Variants in IPP observed in about 807,000 individuals in gnomAD.
The protein encoded by IPP is actin-binding protein IPP.
IPP carries 41 observed loss-of-function variants against 64.1 expected under a neutral mutation model. The ratio of observed to expected loss-of-function variants is 0.64; its 90% CI spans 0.50 to 0.83. IPP has a LOEUF of 0.83. Ranked by LOEUF, IPP falls within the 40% of genes least tolerant of loss-of-function variation. IPP has a pLI of 0.00. For missense variants in IPP, 649 were observed against 703.0 expected, an observed-to-expected ratio of 0.92 and a Z score of 0.87; for synonymous variants, 214 against 235.2, an observed-to-expected ratio of 0.91 and a Z score of 0.83.
Position 45,716,935 on chromosome 1 carries a change from C to T in IPP, c.1269G>A (p.Met423Ile). 1 of 1,612,744 alleles carries T rather than the reference C, an allele frequency of 6.2e-7. No individual in the cohort carries two copies. The highest frequency in any genetic ancestry group is 8.5e-7 in the Non-Finnish European group (1 of 1,179,036). ...ACCCAAAGTAGTAGCGTGACACAGC[C>T]ATGTTACCAACTACTTCCCATTTAT... ...DENKWEVVGN[M>I]AVSRYYFGCC... The change falls in exon 7 of 9, where the codon ATG (methionine) becomes ATA (isoleucine). Residue 423 changes from methionine (M) to isoleucine (I), a missense_variant. By Grantham distance (10) the Met-to-Ile change is conservative (BLOSUM62 1). Coordinates refer to ENST00000396478, the MANE Select transcript of IPP (RefSeq NM_005897.3).
At chr1:45,737,072 A>G (rs192695442) in intron 3 of IPP, among the ~76,000 whole-genome samples, 1 of 149,580 alleles carries the variant, frequency 6.7e-6, no homozygotes, top group African/African-American at 2.4e-5. Flanking sequence ...AAAAAGCTGT[A>G]GGAAAACATG....
chr1:45,711,055 C>A (rs996560965), intron 8 of IPP, among the ~76,000 whole-genome samples: 11 of 148,166 alleles, frequency 7.4e-5, no homozygotes, highest in Admixed American at 2.0e-4. Flanking sequence ...CCACAACTGG[C>A]TGGGTGCAGT....
At chr1:45,733,925 A>C (rs1319077885) in intron 3 of IPP, among the ~76,000 whole-genome samples, 3 of 152,156 alleles carry the variant, frequency 2.0e-5, no homozygotes, top group Non-Finnish European at 4.4e-5. Context: ...TTCAGGAAAC[A>C]CAGTAATCAT....
At position 45,698,895 on chromosome 1, in the gene IPP, A is replaced by AT. The variant is rs1265471282; in HGVS notation, c.*1070dup. 1 of 339,932 alleles carries AT rather than the reference A, an allele frequency of 2.9e-6. No homozygotes were observed. Among genetic ancestry groups the AT allele is most frequent in the Non-Finnish European group, 4.2e-6 (1 of 240,434 alleles). 21.1% of individuals were successfully genotyped at this position (339,932 alleles called of 1,614,324 possible). On this transcript the variant is annotated 3_prime_UTR_variant, in exon 9 of 9. Coordinates refer to ENST00000396478, the MANE Select transcript of IPP (RefSeq NM_005897.3). ...CACAACGCCCGGCTAATTTTTATAT[A>AT]TTTTTTGGTAGAGACGGAGTCTCAT...
chr1:45,729,869 T>TA, intron 3 of IPP, 100 bp from the exon 4 acceptor site: 1 of 696,044 alleles, frequency 1.4e-6, no homozygotes, highest in African/African-American at 1.9e-5. Context: ...CATCAAGAAA[T>TA]AAAAAATCAT....
chr1:45,726,691 C>T (rs1324077873), intron 5 of IPP, among the ~76,000 whole-genome samples: 2 of 149,518 alleles, frequency 1.3e-5, no homozygotes, highest in South Asian at 2.1e-4. Flanking sequence ...TAAAAAAATT[C>T]TATCATAAAT....
chr1:45,731,911 T>C (rs764596131), intron 3 of IPP, among the ~76,000 whole-genome samples: 7 of 148,280 alleles, frequency 4.7e-5, no homozygotes, highest in Non-Finnish European at 7.4e-5. Flanking sequence ...CACTCCAGCC[T>C]GGGTGACAGA....
At chr1:45,697,169 T>C (rs1467840543), downstream of IPP, 3 of 152,240 alleles carry the variant, frequency 2.0e-5, no homozygotes, top group Non-Finnish European at 4.4e-5. Flanking sequence ...GAGCTTCCTG[T>C]CTGCATTACA....
chr1:45,725,221 GC>G (rs1177232502), intron 5 of IPP, among the ~76,000 whole-genome samples: 1 of 139,868 alleles, frequency 7.1e-6, no homozygotes, highest in African/African-American at 2.7e-5. Context: ...GGGGGGGTCA[GC>G]CCCCCGCCTG....
At chr1:45,749,751 ACCTCGTGATCCGC>A (rs1646194707) in intron 1 of IPP, among the ~76,000 whole-genome samples, 1 of 151,012 alleles carries the variant, frequency 6.6e-6, no homozygotes, top group Non-Finnish European at 1.5e-5. Flanking sequence ...CGATCTCCTG[ACCTCGTGATCCGC>A]CCGCCTCGGC....
intron 7 of IPP, among the ~76,000 whole-genome samples, chr1:45,715,177 A>G (rs1172699687): frequency 7.0e-6 from 1 of 143,864 alleles, no homozygotes; most frequent in African/African-American, 2.6e-5. Context: ...CCTGGGCAAC[A>G]GAGCCAGACC....
intron 8 of IPP, among the ~76,000 whole-genome samples, chr1:45,710,305 G>GGC (rs1645573135): frequency 2.4e-5 from 3 of 124,050 alleles, no homozygotes; most frequent in Non-Finnish European, 5.2e-5. Flanking sequence ...ACACAAAAGA[G>GGC]TTAATAGAAC....
chr1:45,743,387 G>A (rs546723760), intron 2 of IPP, among the ~76,000 whole-genome samples: 20 of 150,038 alleles, frequency 1.3e-4, no homozygotes, highest in African/African-American at 4.7e-4. Flanking sequence ...ACAGGTGTGC[G>A]CCACTAAGCC....
intron 2 of IPP, among the ~76,000 whole-genome samples, chr1:45,743,940 C>G (rs1004626762): frequency 2.0e-5 from 3 of 151,394 alleles, no homozygotes; most frequent in Admixed American, 2.0e-4. Context: ...TCGCTTGAAA[C>G]TGGGAGGCAG....
In IPP at chr1:45,699,330, AT is replaced by A; in HGVS notation, c.*635del. On this transcript the variant is annotated 3_prime_UTR_variant, in exon 9 of 9. Coordinates refer to ENST00000396478, the MANE Select transcript of IPP (RefSeq NM_005897.3). ...ATTGGCTTTCTCTGTGGCTCAAACT[AT>A]GGCCATGGAAAATTATGCTCTGGAT... 1.0e-6 allele frequency: 1 copy of A among 980,842 alleles called. No homozygotes were observed. Among genetic ancestry groups the A allele is most frequent in the South Asian group, 4.7e-5 (1 of 21,186 alleles). 60.8% of individuals were successfully genotyped at this position (980,842 alleles called of 1,614,324 possible). A position where few individuals can be genotyped will look rare whatever the true frequency, so the allele number is the denominator to read the frequency against.
chr1:45,697,703 A>G (rs1645399375), downstream of IPP, among the ~76,000 whole-genome samples: 1 of 152,132 alleles, frequency 6.6e-6, no homozygotes, highest in African/African-American at 2.4e-5. Flanking sequence ...TCACACCTAT[A>G]GTCCCAGCAC....
At chr1:45,706,428 T>C (rs1478735438) in intron 8 of IPP, among the ~76,000 whole-genome samples, 1 of 152,126 alleles carries the variant, frequency 6.6e-6, no homozygotes, top group East Asian at 1.9e-4. Flanking sequence ...CAGCAAGATC[T>C]CATCTCTGAA....
chr1:45,699,874 A>G lies in IPP; in HGVS notation c.*92T>C. ...AAATACATGGAAAACTCACAGAATCAGAGGGTCTTATCACCAAATCTATGT... is the reference window on the plus strand; with the variant it reads ...AAATACATGGAAAACTCACAGAATCGGAGGGTCTTATCACCAAATCTATGT... On this transcript the variant is annotated 3_prime_UTR_variant, in exon 9 of 9. Transcript: ENST00000396478. 6.5e-7 allele frequency: 1 copy of G among 1,541,992 alleles called. No homozygotes were observed. Among genetic ancestry groups the G allele is most frequent in the South Asian group, 1.3e-5 (1 of 79,172 alleles).
rs1256736530 is a variant in IPP at position 45,741,181 on chromosome 1, T to C, written c.444A>G (p.Gln148=). 2 of 1,614,058 alleles carry C rather than the reference T, an allele frequency of 1.2e-6. No individual in the cohort carries two copies. The highest frequency in any genetic ancestry group is 1.7e-5 in the Admixed American group (1 of 60,004). The change falls in exon 3 of 9, where the codon CAA becomes CAG. Residue 148 remains glutamine (Q), a synonymous_variant. Transcript: ENST00000396478. ...ATTCCAAGAGATCATGGCAGGCAAT[T>C]TGCTCAGAGAACTGAAAAATTCCAA... is the stretch of plus-strand genomic sequence containing the variant. ...NCIGIFQFSE[Q]IACHDLLEFS... is the part of the protein sequence containing the mutation.
Sources: gnomAD v4.1 joint callset for allele counts (sites outside exome capture counted in the v4.1 genomes callset) on GRCh38, gnomAD v4.1.1 for gene constraint, MANE v1.5 for transcripts, NCBI Gene and HGNC (gene_info 2026-07-23, HGNC 2026-07-21) for gene names.